PDE1C: variants seen among roughly 807,000 people sequenced by gnomAD.
PDE1C encodes phosphodiesterase 1C, also known as dual specificity calcium/calmodulin-dependent 3',5'-cyclic nucleotide phosphodiesterase 1C.
In PDE1C, 62 loss-of-function variants were observed where a neutral mutation model predicts 93.1. The ratio of observed to expected loss-of-function variants is 0.67; its 90% CI spans 0.54 to 0.82. The LOEUF is 0.82. Among genes scored for constraint, PDE1C ranks in the 40% least tolerant of loss-of-function variants. The pLI is 0.00. For synonymous variants in PDE1C, 325 were observed against 310.1 expected (o/e 1.05, Z -0.50); for missense variants, 742 against 884.6 (o/e 0.84, Z 2.04).
At chr7:32,330,958 C>T (rs182135118) in intron 1 of PDE1C, among the ~76,000 whole-genome samples, 1 of 152,300 alleles carries the variant, frequency 6.6e-6, no homozygotes, top group Non-Finnish European at 1.5e-5. Context: ...CTCCTCCCTC[C>T]TCCTCTGTCT....
At chr7:31,638,848 C>T in the PDE1C span, among the ~76,000 whole-genome samples, 1 of 152,154 alleles carries the variant, frequency 6.6e-6, no homozygotes, top group Non-Finnish European at 1.5e-5. Flanking sequence ...CCAATCTCAG[C>T]TTACTACAAC....
At chr7:31,920,245 T>A (rs561652493) in intron 2 of PDE1C, among the ~76,000 whole-genome samples, 2 of 152,056 alleles carry the variant, frequency 1.3e-5, no homozygotes, top group East Asian at 3.9e-4. Context: ...AGGACAGGAG[T>A]CAATCCTAAC....
At chr7:31,961,867 G>A (rs1563104182) in intron 2 of PDE1C, among the ~76,000 whole-genome samples, 1 of 152,180 alleles carries the variant, frequency 6.6e-6, no homozygotes, top group Non-Finnish European at 1.5e-5. Flanking sequence ...AATGAGAGGA[G>A]TTAATGGATT....
Position 32,113,238 on chromosome 7 carries a change from T to TAA in PDE1C, c.308+56546_308+56547insTT, listed in dbSNP as rs1798777158. On this transcript the variant is annotated intron_variant, in intron 3 of 18. Transcript: ENST00000396193. ...TAAATATAAATATATTGTCCTTAAA[T>TAA]ATATATATATATATATATATATATA... 8.3e-5 allele frequency among the ~76,000 whole-genome samples: 6 copies of TAA among 72,066 alleles called. 1 individual carries two copies. In the South Asian group the frequency reaches 2.2e-3, roughly 26 times the overall value. The allele number at this position is 72,066 out of a possible 152,430, so 47.3% of individuals were successfully genotyped here.
At chr7:31,767,285 C>T (rs1310449021) in intron 17 of PDE1C, among the ~76,000 whole-genome samples, 2 of 152,174 alleles carry the variant, frequency 1.3e-5, no homozygotes, top group African/African-American at 4.8e-5. Context: ...TCCCACATCT[C>T]ATGTCCAGTT....
intron 16 of PDE1C, among the ~76,000 whole-genome samples, chr7:31,781,251 T>G (rs940293127): frequency 6.6e-6 from 1 of 152,206 alleles, no homozygotes; most frequent in African/African-American, 2.4e-5. Context: ...GGGGTTAGCC[T>G]GGCCAAGCCT....
intron 3 of PDE1C, among the ~76,000 whole-genome samples, chr7:32,136,959 G>A (rs1190156885): frequency 2.0e-5 from 3 of 152,258 alleles, no homozygotes; most frequent in Non-Finnish European, 4.4e-5. Context: ...ATTATGCCCA[G>A]GAGATTTTCT....
intron 2 of PDE1C, among the ~76,000 whole-genome samples, chr7:31,891,765 C>T (rs1263302179): frequency 1.3e-5 from 2 of 151,024 alleles, no homozygotes; most frequent in Non-Finnish European, 2.9e-5. Flanking sequence ...TTGTACAAAC[C>T]TACACTTGCA....
At chr7:32,266,476 G>A (rs530763066) in intron 1 of PDE1C, among the ~76,000 whole-genome samples, 1 of 151,822 alleles carries the variant, frequency 6.6e-6, no homozygotes, top group South Asian at 2.1e-4. Flanking sequence ...ACTCCAGCCT[G>A]GCAACAGAGT....
rs148500258 is a variant in PDE1C at position 32,324,343 on chromosome 7, G to A, written c.310+103479C>T. ...TGATTAATGATTACTTGACCCTAAA[G>A]CCAACCCCAGCCTTTTTCAACCTCA... On this transcript the variant is annotated intron_variant, in intron 1 of 1. Coordinates refer to the PDE1C transcript ENST00000672256. Among the ~76,000 whole-genome samples the A allele has an allele frequency of 7.0e-3, 1,070 of 152,248 alleles. 13 individuals are homozygous for A. Among genetic ancestry groups the A allele is most frequent in the African/African-American group, 0.025 (1,027 of 41,548 alleles).
intron 14 of PDE1C, among the ~76,000 whole-genome samples, chr7:31,822,398 T>C (rs1789084823): frequency 1.3e-5 from 2 of 152,190 alleles, no homozygotes; most frequent in East Asian, 3.9e-4. Flanking sequence ...AATGTACCGA[T>C]CATGGAGGAC....
At chr7:32,282,325 A>T (rs1413483605) in intron 1 of PDE1C, among the ~76,000 whole-genome samples, 1 of 151,368 alleles carries the variant, frequency 6.6e-6, no homozygotes, top group Admixed American at 6.6e-5. Context: ...AAAAATACAA[A>T]ATTAGCCGGG....
At chr7:31,967,709 A>G (rs375997766) in intron 2 of PDE1C, among the ~76,000 whole-genome samples, 85 of 152,380 alleles carry the variant, frequency 5.6e-4, no homozygotes, top group African/African-American at 1.0e-3. Context: ...AAATTCCTCA[A>G]TAAAACACTG....
chr7:31,624,680 C>T, the PDE1C span, among the ~76,000 whole-genome samples: 1 of 150,118 alleles, frequency 6.7e-6, no homozygotes, highest in Non-Finnish European at 1.5e-5. Context: ...TAGAAGAAAA[C>T]CTAGGCATTA....
chr7:31,643,715 C>T, the PDE1C span: 1 of 1,614,064 alleles, frequency 6.2e-7, no homozygotes, highest in Non-Finnish European at 8.5e-7. Flanking sequence ...CTCACCAAAT[C>T]CGTCTCTCTA....
chr7:32,070,661 G>A (rs959983158), upstream of PDE1C: 86 of 1,348,284 alleles, frequency 6.4e-5, 1 homozygote, highest in African/African-American at 1.1e-3. Context: ...CAGGGATAGG[G>A]ATAGAGATAG....
intron 9 of PDE1C, among the ~76,000 whole-genome samples, chr7:31,846,018 T>A (rs1026237156): frequency 1.3e-5 from 2 of 151,830 alleles, no homozygotes; most frequent in African/African-American, 4.8e-5. Flanking sequence ...ATAAAAGGTT[T>A]GAATATGGCA....
At chr7:31,622,867 T>A in the PDE1C span, among the ~76,000 whole-genome samples, 1 of 152,020 alleles carries the variant, frequency 6.6e-6, no homozygotes, top group Non-Finnish European at 1.5e-5. Flanking sequence ...CTAGCAAGAC[T>A]AATAAAGAAG....
chr7:32,085,405 GC>G (rs1216288299), intron 3 of PDE1C, among the ~76,000 whole-genome samples: 1 of 145,696 alleles, frequency 6.9e-6, no homozygotes, highest in Admixed American at 6.8e-5. Context: ...TGGATTCACA[GC>G]CAAATTCTAC....
Sources: allele counts gnomAD v4.1 joint callset (sites outside exome capture counted in the v4.1 genomes callset), GRCh38; gene constraint gnomAD v4.1.1; transcripts MANE v1.5; gene names NCBI Gene and HGNC (gene_info 2026-07-23, HGNC 2026-07-21).